The following HELLS variants were observed in gnomAD, a reference collection of about 807,000 sequenced individuals.
HELLS encodes the protein helicase, lymphoid specific, also known as lymphoid-specific helicase.
In HELLS, 32 loss-of-function variants were observed where a neutral mutation model predicts 120.0. The observed-to-expected ratio is 0.27, with a 90% CI of 0.20 to 0.36. The LOEUF (loss-of-function observed/expected upper bound fraction) is 0.36. HELLS is among the 10% of genes least tolerant of loss of function. The probability of loss-of-function intolerance (pLI) is 1.00; values close to 1 mark genes in which losing one functional copy is unlikely to be tolerated. For missense variants in HELLS, 650 were observed against 993.4 expected (o/e 0.65, Z 4.65); for synonymous variants, 341 against 323.4 (o/e 1.05, Z -0.58).
intron 6 of HELLS, among the ~76,000 whole-genome samples, chr10:94,566,159 G>A (rs1376383954): frequency 3.3e-5 from 5 of 152,072 alleles, no homozygotes; most frequent in Non-Finnish European, 7.4e-5. Context: ...TGGGATTACA[G>A]GTCTGAGCCA....
At chr10:94,560,996 C>T (rs531748450) in intron 4 of HELLS, among the ~76,000 whole-genome samples, 1 of 150,762 alleles carries the variant, frequency 6.6e-6, no homozygotes, top group African/African-American at 2.4e-5. Flanking sequence ...GCCGAGGTTG[C>T]AGTGAGCTGA....
chr10:94,564,070 A>G (rs1843677839), intron 6 of HELLS, among the ~76,000 whole-genome samples: 1 of 151,976 alleles, frequency 6.6e-6, no homozygotes, highest in Non-Finnish European at 1.5e-5. Flanking sequence ...TTGGCCTCCA[A>G]AAGTGCTGGG....
intron 4 of HELLS, among the ~76,000 whole-genome samples, chr10:94,560,551 C>G (rs1355561375): frequency 6.6e-6 from 1 of 151,850 alleles, no homozygotes; most frequent in African/African-American, 2.4e-5. Context: ...AAAAAATTAG[C>G]TGGGCGTGGT....
At chr10:94,549,691 T>C (rs1205067970) in intron 2 of HELLS, among the ~76,000 whole-genome samples, 1 of 152,186 alleles carries the variant, frequency 6.6e-6, no homozygotes, top group African/African-American at 2.4e-5. Flanking sequence ...CTCTGTACTG[T>C]AGTTACCCAG....
chr10:94,574,332 C>T (rs1844329754), intron 8 of HELLS, 145 bp downstream of exon 8: 7 of 717,936 alleles, frequency 9.8e-6, no homozygotes, highest in East Asian at 8.1e-5. Flanking sequence ...ATTTCTTTAC[C>T]CTGAATTTTT....
chr10:94,607,284 T>C (rs1311557206), intron 8 of HELLS, among the ~76,000 whole-genome samples: 3 of 152,202 alleles, frequency 2.0e-5, no homozygotes, highest in African/African-American at 7.2e-5. Context: ...TTCATTTCTG[T>C]TGTCTATTGA....
chr10:94,583,633 T>C (rs1844982054), intron 12 of HELLS, among the ~76,000 whole-genome samples: 1 of 152,134 alleles, frequency 6.6e-6, no homozygotes, highest in African/African-American at 2.4e-5. Context: ...CCTCTTAAAA[T>C]TGTATTTCCT....
intron 3 of HELLS, 38 bp downstream of exon 3, chr10:94,554,286 A>T (rs755166964): frequency 2.1e-6 from 3 of 1,423,144 alleles, no homozygotes; most frequent in Non-Finnish European, 2.8e-6. Flanking sequence ...AAAGCTTAAA[A>T]AAATTTAAAA....
In HELLS at chr10:94,594,801, T is replaced by C. The variant is rs2134120117; in HGVS notation, c.2195T>C (p.Ile732Thr). Residue 732 changes from isoleucine (I) to threonine (T), a missense_variant, in exon 19 of 22, where the codon ATT becomes ACT. Transcript: ENST00000348459. ...ACAGCAAATACTATCGATCAGAAAA[T>C]TGTGGAAAGAGCAGCTGCTAAAAGG... is the stretch of plus-strand genomic sequence containing the variant. ...LVTANTIDQK[I>T]VERAAAKRKL... The C allele has an allele frequency of 3.7e-6, 6 of 1,613,746 alleles. No homozygotes were observed. Among genetic ancestry groups the C allele is most frequent in the South Asian group, 1.1e-5 (1 of 91,064 alleles).
At chr10:94,549,718 G>A (rs1842893571) in intron 2 of HELLS, among the ~76,000 whole-genome samples, 1 of 152,094 alleles carries the variant, frequency 6.6e-6, no homozygotes, top group South Asian at 2.1e-4. Flanking sequence ...TTCCTGCCAG[G>A]CACTCAGTGC....
intron 12 of HELLS, among the ~76,000 whole-genome samples, chr10:94,586,089 CA>C (rs1229490177): frequency 6.6e-6 from 1 of 151,972 alleles, no homozygotes; most frequent in Non-Finnish European, 1.5e-5. Flanking sequence ...GTTTTCCTTA[CA>C]GACATGGACA....
chr10:94,579,599 T>C (rs1375673750), intron 10 of HELLS, among the ~76,000 whole-genome samples: 4 of 151,980 alleles, frequency 2.6e-5, no homozygotes, highest in Non-Finnish European at 5.9e-5. Context: ...TGGAGTCCTG[T>C]GGCACGATCT....
At chr10:94,572,488 A>G (rs1015066136) in intron 7 of HELLS, among the ~76,000 whole-genome samples, 4 of 152,102 alleles carry the variant, frequency 2.6e-5, no homozygotes, top group African/African-American at 4.8e-5. Context: ...TGTGATACTC[A>G]TTTATGTTGT....
At chr10:94,586,922 T>C (rs1435655137) in intron 12 of HELLS, among the ~76,000 whole-genome samples, 1 of 152,088 alleles carries the variant, frequency 6.6e-6, no homozygotes, top group Non-Finnish European at 1.5e-5. Flanking sequence ...CTCAAACTTC[T>C]GACCTCAGGT....
At chr10:94,603,778 T>C (rs1029091798), downstream of HELLS, among the ~76,000 whole-genome samples, 2 of 152,228 alleles carry the variant, frequency 1.3e-5, no homozygotes, top group Non-Finnish European at 2.9e-5. Flanking sequence ...CCTTCCCTCA[T>C]ATTTCATGTC....
intron 6 of HELLS, among the ~76,000 whole-genome samples, chr10:94,565,816 C>A (rs370334790): frequency 6.6e-6 from 1 of 152,060 alleles, no homozygotes; most frequent in East Asian, 1.9e-4. Flanking sequence ...TGGATGAAAT[C>A]CATTAGTAAA....
chr10:94,574,233 T>C, intron 8 of HELLS, 46 bp downstream of exon 8: 2 of 1,250,374 alleles, frequency 1.6e-6, no homozygotes, highest in Non-Finnish European at 2.3e-6. Context: ...TTTATTTCTA[T>C]AGTAGCCTAA....
intron 13 of HELLS, 34 bp downstream of exon 13, chr10:94,588,424 C>T (rs767222036): frequency 6.9e-6 from 10 of 1,451,062 alleles, no homozygotes; most frequent in Non-Finnish European, 8.3e-6. Flanking sequence ...GTAAATGAAA[C>T]TTGACATATA....
chr10:94,587,642 G>T (rs1845235255), intron 12 of HELLS, among the ~76,000 whole-genome samples: 1 of 152,122 alleles, frequency 6.6e-6, no homozygotes, highest in African/African-American at 2.4e-5. Context: ...TCACCAGGCT[G>T]GTCTCAAACT....
Sources: allele counts gnomAD v4.1 joint callset (sites outside exome capture counted in the v4.1 genomes callset), GRCh38; gene constraint gnomAD v4.1.1; transcripts MANE v1.5; gene names NCBI Gene and HGNC (gene_info 2026-07-23, HGNC 2026-07-21).